Variants in DPF3 observed in about 807,000 individuals in gnomAD.
DPF3 encodes the protein double PHD fingers 3, also known as zinc finger protein DPF3.
In DPF3, 18 loss-of-function variants were observed where a neutral mutation model predicts 56.8. The observed-to-expected ratio is 0.32, with a 90% CI of 0.22 to 0.47. The LOEUF (loss-of-function observed/expected upper bound fraction) is 0.47, where lower values mean the gene tolerates loss of function less well. Among genes scored for constraint, DPF3 ranks in the 20% least tolerant of loss-of-function variants. The pLI is 1.00. For missense variants in DPF3, 403 were observed against 488.8 expected, an observed-to-expected ratio of 0.82 and a Z score of 1.65; for synonymous variants, 188 against 180.2, an observed-to-expected ratio of 1.04 and a Z score of -0.35.
intron 1 of DPF3, among the ~76,000 whole-genome samples, chr14:72,864,591 T>C (rs1885586764): frequency 6.6e-6 from 1 of 152,240 alleles, no homozygotes; most frequent in Admixed American, 6.5e-5. Flanking sequence ...TGAAAATGGA[T>C]ATGAAAGCAA....
Position 72,609,800 on chromosome 14 carries a change from G to A in DPF3, c.*9497C>T, listed in dbSNP as rs942940086. ...GGGCCAAATGGAGATATTGTCTCAA[G>A]ACCATTACACACAGCTTCCCAAATC... On this transcript the variant is annotated 3_prime_UTR_variant, in exon 11 of 11. Coordinates refer to ENST00000556509, the MANE Select transcript of DPF3 (RefSeq NM_001280542.3). Among the ~76,000 whole-genome samples the A allele has an allele frequency of 6.6e-6, 1 of 152,146 alleles. No homozygotes were observed. The highest frequency in any genetic ancestry group is 6.5e-5 in the Admixed American group (1 of 15,278).
chr14:72,754,656 T>C (rs1295326629), intron 2 of DPF3, among the ~76,000 whole-genome samples: 1 of 152,234 alleles, frequency 6.6e-6, no homozygotes, highest in East Asian at 1.9e-4. Flanking sequence ...TCTTCCATTT[T>C]AGGGCCCTTA....
chr14:72,624,013 A>T (rs2153566318), intron 9 of DPF3, among the ~76,000 whole-genome samples: 1 of 152,350 alleles, frequency 6.6e-6, no homozygotes, highest in African/African-American at 2.4e-5. Flanking sequence ...CAAAGATGGG[A>T]CAATTTTACC....
intron 1 of DPF3, chr14:72,836,518 G>A (rs1294592013): frequency 2.0e-6 from 2 of 985,208 alleles, no homozygotes; most frequent in East Asian, 1.1e-4. Context: ...ACCACCTCGT[G>A]GGGAGATTAT....
chr14:72,702,675 G>A (rs752859013), intron 6 of DPF3, among the ~76,000 whole-genome samples: 5 of 152,124 alleles, frequency 3.3e-5, no homozygotes, highest in Admixed American at 6.5e-5. Flanking sequence ...CAATTCCCCC[G>A]AGCAGGGAGA....
At chr14:72,665,433 G>A (rs1256596802) in intron 8 of DPF3, among the ~76,000 whole-genome samples, 1 of 152,176 alleles carries the variant, frequency 6.6e-6, no homozygotes, top group Non-Finnish European at 1.5e-5. Context: ...CAGCTGAAAG[G>A]CCAAATGTCT....
intron 1 of DPF3, among the ~76,000 whole-genome samples, chr14:72,824,728 C>A (rs964032184): frequency 6.6e-6 from 1 of 151,898 alleles, no homozygotes; most frequent in African/African-American, 2.4e-5. Context: ...CCTGCCATCA[C>A]CCCTGGCTAA....
intron 2 of DPF3, among the ~76,000 whole-genome samples, chr14:72,769,735 G>T (rs1414672837): frequency 1.3e-5 from 2 of 149,172 alleles, no homozygotes; most frequent in African/African-American, 4.9e-5. Flanking sequence ...AATGGCCAGA[G>T]ATGAGGCAAG....
intron 8 of DPF3, chr14:72,670,470 G>A (rs1886620685): frequency 8.1e-6 from 8 of 986,072 alleles, no homozygotes; most frequent in Non-Finnish European, 8.4e-6. Flanking sequence ...CGCAAGCAGA[G>A]AGGAAGATGG....
rs936626185 is a variant in DPF3, at chr14:72,751,870, A to C, written c.301+1394T>G. On this transcript the variant is annotated intron_variant, in intron 3 of 10. Coordinates refer to ENST00000556509, the MANE Select transcript of DPF3 (RefSeq NM_001280542.3). ...GAGAACCTGATCTCCTACAACCTGC[A>C]ACAAGGCAGGGGTTGGGACAACCTT... is the stretch of plus-strand genomic sequence containing the variant. Among the ~76,000 whole-genome samples, 17 of 152,316 alleles carry C rather than the reference A, an allele frequency of 1.1e-4. 1 individual carries two copies. Among genetic ancestry groups the C allele is most frequent in the South Asian group, 8.3e-4 (4 of 4,828 alleles).
At chr14:72,717,350 T>C (rs766516446) in intron 5 of DPF3, among the ~76,000 whole-genome samples, 1 of 152,240 alleles carries the variant, frequency 6.6e-6, no homozygotes, top group Non-Finnish European at 1.5e-5. Context: ...AACACCTATA[T>C]AGCAGAGCTG....
chr14:72,776,514 A>G (rs181230847), intron 1 of DPF3, among the ~76,000 whole-genome samples: 150 of 152,292 alleles, frequency 9.8e-4, no homozygotes, highest in African/African-American at 3.5e-3. Context: ...GATGGACTCC[A>G]GGGGGCCAAA....
At position 72,661,205 on chromosome 14, in the gene DPF3, G is replaced by A. The variant is rs374375644; in HGVS notation, c.871+13035C>T. 140 of 985,170 alleles carry A rather than the reference G, an allele frequency of 1.4e-4. 1 individual carries two copies. The African/African-American group carries it at 2.4e-3, about 17-fold the overall frequency. 61.0% of individuals were successfully genotyped at this position (985,170 alleles called of 1,614,324 possible). A position where few individuals can be genotyped will look rare whatever the true frequency, so the allele number is the denominator to read the frequency against. On this transcript the variant is annotated intron_variant, in intron 8 of 10. Coordinates refer to ENST00000556509, the MANE Select transcript of DPF3 (RefSeq NM_001280542.3). Reference sequence around the variant, plus strand: ...GATAATTATTAGCATTTTGACAAGGGACATTTTCTACCAGAAAACGTCAGA... The same window carrying A: ...GATAATTATTAGCATTTTGACAAGGAACATTTTCTACCAGAAAACGTCAGA...
intron 10 of DPF3, 46 bp downstream of exon 10, chr14:72,619,857 T>C (rs1241382386): frequency 1.4e-6 from 2 of 1,480,420 alleles, no homozygotes; most frequent in Non-Finnish European, 9.0e-7. Context: ...GTGCTAGTAG[T>C]AGTAGTATCT....
chr14:72,626,572 C>T (rs1337281833), intron 9 of DPF3, among the ~76,000 whole-genome samples: 1 of 152,116 alleles, frequency 6.6e-6, no homozygotes, highest in Non-Finnish European at 1.5e-5. Context: ...GTTTATTCAA[C>T]AACTACTCTT....
At chr14:72,744,411 C>G (rs1890246929) in intron 3 of DPF3, among the ~76,000 whole-genome samples, 1 of 151,896 alleles carries the variant, frequency 6.6e-6, no homozygotes, top group South Asian at 2.1e-4. Flanking sequence ...TAGTGTCACC[C>G]TACAGGTGCC....
chr14:72,692,984 A>G, intron 7 of DPF3, 92 bp downstream of exon 7: 7 of 1,561,792 alleles, frequency 4.5e-6, no homozygotes, highest in Non-Finnish European at 6.1e-6. Context: ...TGCTACCAGA[A>G]GATGCCAGCA....
intron 1 of DPF3, among the ~76,000 whole-genome samples, chr14:72,795,609 T>C (rs1182003305): frequency 1.3e-5 from 2 of 152,312 alleles, no homozygotes; most frequent in East Asian, 3.9e-4. Flanking sequence ...AGTCACTAAA[T>C]AAACCAGTTT....
chr14:72,884,956 A>ATATATATATATATG lies in DPF3; in HGVS notation c.32+9100_32+9101insCATATATATATATA, dbSNP rs1555516755. On this transcript the variant is annotated intron_variant, in intron 1 of 10. Transcript: ENST00000556509. Reference sequence around the variant, plus strand: ...CTAAAAATACTATATATATATATATATATATATATATATATTAGCCGGGCG... The same window carrying ATATATATATATATG: ...CTAAAAATACTATATATATATATATATATATATATATATGTATATATATATATATTAGCCGGGCG... 6.2e-5 allele frequency among the ~76,000 whole-genome samples: 6 copies of ATATATATATATATG among 97,302 alleles called. 1 individual carries two copies. The highest frequency in any genetic ancestry group is 4.7e-4 in the Admixed American group (4 of 8,520). 63.8% of individuals were successfully genotyped at this position (97,302 alleles called of 152,430 possible). A position where few individuals can be genotyped will look rare whatever the true frequency, so the allele number is the denominator to read the frequency against.
Sources: gnomAD v4.1 joint callset for allele counts (sites outside exome capture counted in the v4.1 genomes callset) on GRCh38, gnomAD v4.1.1 for gene constraint, MANE v1.5 for transcripts, NCBI Gene and HGNC (gene_info 2026-07-23, HGNC 2026-07-21) for gene names.